The following SAMD12 variants were observed in gnomAD, a reference collection of about 807,000 sequenced individuals.
The protein encoded by SAMD12 is sterile alpha motif domain-containing protein 12.
In SAMD12, 9 loss-of-function variants were observed where a neutral mutation model predicts 15.0. The observed-to-expected ratio is 0.60, with a 90% CI of 0.36 to 1.05. The LOEUF (loss-of-function observed/expected upper bound fraction) is 1.05, where lower values mean the gene tolerates loss of function less well. SAMD12 is among the 50% of genes least tolerant of loss of function. SAMD12 has a pLI of 0.01. For synonymous variants in SAMD12, 86 were observed against 90.1 expected, an observed-to-expected ratio of 0.96 and a Z score of 0.25; for missense variants, 230 against 234.2, an observed-to-expected ratio of 0.98 and a Z score of 0.12.
intron 4 of SAMD12, among the ~76,000 whole-genome samples, chr8:118,302,049 C>T (rs963225219): frequency 2.6e-4 from 35 of 134,818 alleles, no homozygotes; most frequent in African/African-American, 9.7e-4. Flanking sequence ...AAACTCTTCA[C>T]AACATTTTCT....
intron 4 of SAMD12, among the ~76,000 whole-genome samples, chr8:118,229,751 T>C (rs905684321): frequency 2.0e-5 from 3 of 152,150 alleles, no homozygotes; most frequent in African/African-American, 7.2e-5. Flanking sequence ...AGTCTCCCCC[T>C]TCATTACAGA....
intron 4 of SAMD12, among the ~76,000 whole-genome samples, chr8:118,200,021 C>G (rs17451928): frequency 2.0e-5 from 3 of 152,042 alleles, no homozygotes; most frequent in African/African-American, 7.2e-5. Flanking sequence ...ATATTGTTCT[C>G]GTAGTAATGA....
chr8:118,462,831 G>C (rs922561060), intron 2 of SAMD12, among the ~76,000 whole-genome samples: 2 of 152,084 alleles, frequency 1.3e-5, no homozygotes, highest in Non-Finnish European at 1.5e-5. Flanking sequence ...GGCCGGGCGC[G>C]GTGGCTCACG....
At chr8:118,472,093 C>T (rs1056381724) in intron 2 of SAMD12, among the ~76,000 whole-genome samples, 7 of 151,992 alleles carry the variant, frequency 4.6e-5, no homozygotes, top group African/African-American at 1.7e-4. Flanking sequence ...CGAGACCATC[C>T]TGGCTAACAC....
chr8:118,621,510 C>T, intron 1 of SAMD12: 2 of 484,690 alleles, frequency 4.1e-6, no homozygotes, highest in Non-Finnish European at 7.4e-6. Flanking sequence ...CATGCCGGAT[C>T]CTCCGGCTTT....
intron 4 of SAMD12, among the ~76,000 whole-genome samples, chr8:118,281,815 T>C (rs1195102751): frequency 6.6e-6 from 1 of 152,192 alleles, no homozygotes; most frequent in African/African-American, 2.4e-5. Context: ...TAAACTAACA[T>C]GTCCTTTACC....
At chr8:118,385,890 T>C (rs1470123955) in intron 3 of SAMD12, among the ~76,000 whole-genome samples, 1 of 152,086 alleles carries the variant, frequency 6.6e-6, no homozygotes, top group Non-Finnish European at 1.5e-5. Flanking sequence ...AAACTGAACA[T>C]ATAGAGGGAA....
At chr8:118,479,735 C>A (rs1279127126) in intron 2 of SAMD12, among the ~76,000 whole-genome samples, 2 of 151,834 alleles carry the variant, frequency 1.3e-5, no homozygotes, top group African/African-American at 4.8e-5. Context: ...TCCATGAGCA[C>A]CAGCAATCCT....
At chr8:118,218,394 T>C (rs1490398468) in intron 4 of SAMD12, among the ~76,000 whole-genome samples, 3 of 152,206 alleles carry the variant, frequency 2.0e-5, no homozygotes, top group African/African-American at 4.8e-5. Flanking sequence ...GCTGAGAACA[T>C]TTAAAATCTA....
intron 2 of SAMD12, among the ~76,000 whole-genome samples, chr8:118,560,154 A>G (rs960464069): frequency 6.6e-6 from 1 of 152,228 alleles, no homozygotes; most frequent in Admixed American, 6.5e-5. Flanking sequence ...AAATTTCAAA[A>G]GTGAGATATT....
At chr8:118,223,387 C>T (rs1563702820) in intron 4 of SAMD12, among the ~76,000 whole-genome samples, 1 of 152,208 alleles carries the variant, frequency 6.6e-6, no homozygotes, top group Non-Finnish European at 1.5e-5. Flanking sequence ...TGGGTTTTCC[C>T]TAGAAGACAC....
chr8:118,256,818 A>G (rs998886828), intron 4 of SAMD12, among the ~76,000 whole-genome samples: 4 of 148,658 alleles, frequency 2.7e-5, no homozygotes, highest in Non-Finnish European at 3.0e-5. Context: ...ACACACACAC[A>G]CACGCACACA....
At chr8:118,156,350 G>A in the SAMD12 span, among the ~76,000 whole-genome samples, 4 of 152,162 alleles carry the variant, frequency 2.6e-5, no homozygotes, top group Non-Finnish European at 5.9e-5. Context: ...TGCTTGCTTG[G>A]ATCCAAATGT....
At chr8:118,594,412 G>GA (rs367651601) in intron 1 of SAMD12, among the ~76,000 whole-genome samples, 25 of 151,594 alleles carry the variant, frequency 1.6e-4, no homozygotes, top group East Asian at 9.7e-4. Context: ...GTTAGCAAAA[G>GA]AAAAAAAACC....
chr8:118,379,085 AC>A lies in SAMD12; in HGVS notation c.*331del. On this transcript the variant is annotated 3_prime_UTR_variant, in exon 4 of 4. Transcript: ENST00000314727. ...CTCCCACTAACCGGTGAAAAGCAAA[AC>A]AAAAATACAACAAAAACTCCACTTA... is the stretch of plus-strand genomic sequence containing the variant. 9.4e-7 allele frequency: 1 copy of A among 1,059,048 alleles called. No homozygotes were observed. Among genetic ancestry groups the A allele is most frequent in the South Asian group, 3.9e-5 (1 of 25,658 alleles). 65.6% of individuals were successfully genotyped at this position (1,059,048 alleles called of 1,614,324 possible). A position where few individuals can be genotyped will look rare whatever the true frequency, so the allele number is the denominator to read the frequency against.
chr8:118,261,809 G>A (rs771000347), intron 4 of SAMD12, among the ~76,000 whole-genome samples: 4 of 151,892 alleles, frequency 2.6e-5, no homozygotes, highest in Non-Finnish European at 4.4e-5. Context: ...GTCATTTTAT[G>A]GAGCACAGAG....
the SAMD12 span, among the ~76,000 whole-genome samples, chr8:118,162,030 C>T: frequency 6.6e-6 from 1 of 151,272 alleles, no homozygotes; most frequent in Non-Finnish European, 1.5e-5. Context: ...CATGGTGGCG[C>T]ATGCCTGTAG....
intron 2 of SAMD12, among the ~76,000 whole-genome samples, chr8:118,547,457 C>T (rs934148315): frequency 3.9e-4 from 60 of 152,250 alleles, no homozygotes; most frequent in African/African-American, 1.4e-3. Context: ...TAATCATTTA[C>T]ACTTCCCTTG....
At chr8:118,532,736 A>G (rs1370361427) in intron 2 of SAMD12, among the ~76,000 whole-genome samples, 10 of 152,056 alleles carry the variant, frequency 6.6e-5, no homozygotes, top group African/African-American at 1.9e-4. Flanking sequence ...AGAGGTGTTT[A>G]TAGCATTCTC....
Sources: gnomAD v4.1 joint callset for allele counts (sites outside exome capture counted in the v4.1 genomes callset) on GRCh38, gnomAD v4.1.1 for gene constraint, MANE v1.5 for transcripts, NCBI Gene and HGNC (gene_info 2026-07-23, HGNC 2026-07-21) for gene names.